SPEF2: variants seen among roughly 807,000 people sequenced by gnomAD.
SPEF2 encodes sperm flagella and cilia-associated protein 2.
A neutral mutation model predicts 224.6 loss-of-function variants in SPEF2; 187 were observed. That is an observed-to-expected ratio of 0.83 (90% CI 0.74 to 0.94). The LOEUF (loss-of-function observed/expected upper bound fraction) is 0.94. SPEF2 is among the 40% of genes least tolerant of loss of function. The probability of loss-of-function intolerance (pLI) is 0.00; values close to 1 mark genes in which losing one functional copy is unlikely to be tolerated. For synonymous variants in SPEF2, 715 were observed against 707.3 expected (o/e 1.01, Z -0.17); for missense variants, 2,170 against 2,135.6 (o/e 1.02, Z -0.32).
At position 35,659,110 on chromosome 5, in the gene SPEF2, A is replaced by G. The variant is rs1749354512; in HGVS notation, c.1070A>G (p.His357Arg). The G allele has an allele frequency of 1.9e-6, 3 of 1,613,448 alleles. No homozygotes were observed. The highest frequency in any genetic ancestry group is 2.5e-6 in the Non-Finnish European group (3 of 1,179,606). ...GCCGTGCAGCTCATGCATGTTCGGC[A>G]TGAAAAGGAAGTTTTATGGCAAAAC... Reference protein sequence around the residue: ...RIAVQLMHVRHEKEVLWQNRI... With the variant: ...RIAVQLMHVRREKEVLWQNRI... The change falls in exon 8 of 37, where the codon CAT (histidine) becomes CGT (arginine). Residue 357 changes from histidine to arginine, a missense_variant. His to Arg is a conservative substitution (Grantham distance 29). Coordinates refer to ENST00000356031, the MANE Select transcript of SPEF2 (RefSeq NM_024867.4).
chr5:35,697,696 A>G lies in SPEF2; in HGVS notation c.2044A>G (p.Thr682Ala). Residue 682 changes from threonine (T) to alanine (A), a missense_variant, in exon 15 of 37, where the codon ACA becomes GCA. Thr to Ala is a moderately conservative substitution (Grantham distance 58). Coordinates refer to ENST00000356031, the MANE Select transcript of SPEF2 (RefSeq NM_024867.4). ...TTCTTGTTTATTTTCCCAGCTCACTACACGTGCTCAGCTTGGTGCAAAATC... is the reference window on the plus strand; with the variant it reads ...TTCTTGTTTATTTTCCCAGCTCACTGCACGTGCTCAGCTTGGTGCAAAATC... ...KSSDSFLKLT[T>A]RAQLGAKSEQ... is the part of the protein sequence containing the mutation. 9 of 1,612,646 alleles carry G rather than the reference A, an allele frequency of 5.6e-6. No homozygotes were observed. Among genetic ancestry groups the G allele is most frequent in the Non-Finnish European group, 7.6e-6 (9 of 1,179,346 alleles).
At chr5:35,745,321 G>A (rs187191646) in intron 23 of SPEF2, among the ~76,000 whole-genome samples, 1 of 152,138 alleles carries the variant, frequency 6.6e-6, no homozygotes, top group Admixed American at 6.5e-5. Context: ...AAGCCTCCCG[G>A]CCAGAGCTCG....
At chr5:35,794,338 G>A (rs943032944) in intron 32 of SPEF2, among the ~76,000 whole-genome samples, 1 of 152,134 alleles carries the variant, frequency 6.6e-6, no homozygotes, top group Non-Finnish European at 1.5e-5. Flanking sequence ...CATCTCACAT[G>A]AATTTCACCA....
At chr5:35,666,958 C>A in intron 8 of SPEF2, 114 bp from the exon 9 acceptor site, 1 of 907,322 alleles carries the variant, frequency 1.1e-6, no homozygotes. Context: ...AATTTTTTTC[C>A]TGGTGTGAGA....
chr5:35,621,358 G>T (rs980719877), intron 1 of SPEF2, among the ~76,000 whole-genome samples: 2 of 150,094 alleles, frequency 1.3e-5, no homozygotes, highest in African/African-American at 2.5e-5. Flanking sequence ...ACCCTAAGAG[G>T]TATTGCCCTG....
At chr5:35,663,352 C>A (rs905097315) in intron 8 of SPEF2, among the ~76,000 whole-genome samples, 1 of 152,162 alleles carries the variant, frequency 6.6e-6, no homozygotes, top group Non-Finnish European at 1.5e-5. Flanking sequence ...CATCTGTGGT[C>A]ATATGTCTCA....
chr5:35,759,898 A>C (rs904813953), intron 25 of SPEF2, among the ~76,000 whole-genome samples, 179 bp downstream of exon 25: 2 of 152,090 alleles, frequency 1.3e-5, no homozygotes, highest in African/African-American at 4.8e-5. Flanking sequence ...TAAGACTACT[A>C]ATATACATTA....
chr5:35,789,423 T>A (rs749171220), intron 30 of SPEF2: 2 of 688,788 alleles, frequency 2.9e-6, no homozygotes, highest in South Asian at 3.1e-5. Context: ...ACAGTTTGAC[T>A]TGCGAAATTA....
chr5:35,644,400 C>A lies in SPEF2; in HGVS notation c.460C>A (p.Arg154=). 2.5e-6 allele frequency: 4 copies of A among 1,603,756 alleles called. No individual in the cohort carries two copies. The highest frequency in any genetic ancestry group is 3.4e-6 in the Non-Finnish European group (4 of 1,175,068). ...IPRQTDFNLM[R]ITYRFQEKYK... The stretch of plus-strand genomic sequence containing the variant: ...ACGTCAAACTGATTTCAATCTGATG[C>A]GGATTACATACAGGTTTCAAGAAAA... The change falls in exon 4 of 37, where the codon CGG becomes AGG. Residue 154 remains arginine, a synonymous_variant. Coordinates refer to ENST00000356031, the MANE Select transcript of SPEF2 (RefSeq NM_024867.4).
At position 35,793,165 on chromosome 5, in the gene SPEF2, G is replaced by A. The variant is rs1254552874; in HGVS notation, c.4561G>A (p.Glu1521Lys). The part of the protein sequence containing the change: ...WMHLTQPELQ[E>K]LTSLLTVNSE... ...ATTTCCTGTTTTCTTCTAGTTACAG[G>A]AATTAACATCTTTATTAACAGTCAA... The change falls in exon 32 of 37, where the codon GAA becomes AAA. Residue 1521 changes from glutamate (E) to lysine (K), a missense_variant. By Grantham distance (56) the Glu-to-Lys change is moderately conservative. Transcript: ENST00000356031. 2 of 1,613,496 alleles carry A rather than the reference G, an allele frequency of 1.2e-6. No homozygotes were observed. The highest frequency in any genetic ancestry group is 2.7e-5 in the African/African-American group (2 of 74,896).
At chr5:35,761,444 T>C (rs1381601217) in intron 25 of SPEF2, among the ~76,000 whole-genome samples, 1 of 152,204 alleles carries the variant, frequency 6.6e-6, no homozygotes, top group Non-Finnish European at 1.5e-5. Context: ...GTTCCTGCTT[T>C]GTTTCTTTTA....
chr5:35,646,616 TG>T, intron 4 of SPEF2, 50 bp from the exon 5 acceptor site: 1 of 1,553,796 alleles, frequency 6.4e-7, no homozygotes, highest in Non-Finnish European at 8.8e-7. Flanking sequence ...TGTATTATAT[TG>T]CCTATTCTGT....
At position 35,727,666 on chromosome 5, in the gene SPEF2, A is replaced by G. The variant is rs1350108236; in HGVS notation, c.2915-9A>G. Reference sequence around the variant, plus strand: ...CTTGTATTGGAATAATTTGATATGCATGTTTAAGGTTCTCCTAAAGGAAAA... The same window carrying G: ...CTTGTATTGGAATAATTTGATATGCGTGTTTAAGGTTCTCCTAAAGGAAAA... On this transcript the variant is annotated splice_polypyrimidine_tract_variant and intron_variant, in intron 20 of 36. Coordinates refer to ENST00000356031, the MANE Select transcript of SPEF2 (RefSeq NM_024867.4). 1.2e-6 allele frequency: 2 copies of G among 1,610,238 alleles called. No individual in the cohort carries two copies. The highest frequency in any genetic ancestry group is 1.7e-6 in the Non-Finnish European group (2 of 1,177,714).
Position 35,617,930 on chromosome 5 carries a change from G to T in SPEF2, c.-68G>T. On this transcript the variant is annotated 5_prime_UTR_variant, in exon 1 of 37. Coordinates refer to ENST00000356031, the MANE Select transcript of SPEF2 (RefSeq NM_024867.4). ...GTTGCCCTTGGCTACAGGAGGACGC[G>T]GGCTGGCAGGCTTGGTTCCTGGCGA... The T allele has an allele frequency of 6.7e-7, 1 of 1,491,780 alleles. No individual in the cohort carries two copies. The highest frequency in any genetic ancestry group is 9.2e-7 in the Non-Finnish European group (1 of 1,092,006). 92.4% of individuals were successfully genotyped at this position (1,491,780 alleles called of 1,614,324 possible).
intron 7 of SPEF2, 22 bp downstream of exon 7, chr5:35,654,748 T>G (rs1427745184): frequency 6.3e-7 from 1 of 1,587,806 alleles, no homozygotes; most frequent in Admixed American, 1.9e-5. Context: ...AGATGAAGGT[T>G]AAGTAATAGT....
intron 4 of SPEF2, among the ~76,000 whole-genome samples, chr5:35,645,455 G>A (rs1747234306): frequency 6.6e-6 from 1 of 152,110 alleles, no homozygotes; most frequent in East Asian, 1.9e-4. Flanking sequence ...AGAATTGAAC[G>A]TTTTTGTAGC....
chr5:35,801,689 A>G (rs1379020276), intron 34 of SPEF2, among the ~76,000 whole-genome samples: 1 of 152,090 alleles, frequency 6.6e-6, no homozygotes, highest in Non-Finnish European at 1.5e-5. Context: ...GGTCTCATTA[A>G]TGTCTGTCTT....
At chr5:35,737,265 C>G (rs1399669138) in intron 21 of SPEF2, among the ~76,000 whole-genome samples, 2 of 152,000 alleles carry the variant, frequency 1.3e-5, no homozygotes, top group African/African-American at 4.8e-5. Flanking sequence ...GCACAATGTG[C>G]AGGTTTGTTA....
rs200571694 is a variant in SPEF2, at chr5:35,659,194, T to C, written c.1154T>C (p.Leu385Pro). The C allele has an allele frequency of 2.4e-5, 38 of 1,609,122 alleles. No individual in the cohort carries two copies. The highest frequency in any genetic ancestry group is 3.1e-5 in the Non-Finnish European group (37 of 1,177,146). The change falls in exon 8 of 37, where the codon CTT becomes CCT. Residue 385 changes from leucine to proline, a missense_variant. Physicochemically the swap from Leu to Pro is moderately conservative, Grantham distance 98. Coordinates refer to ENST00000356031, the MANE Select transcript of SPEF2 (RefSeq NM_024867.4). ...ERRLKDFQDALDREAALAKQA... is the reference protein window; with the variant it reads ...ERRLKDFQDAPDREAALAKQA... ...CGACTTAAAGATTTCCAGGATGCTC[T>C]TGATCGAGAAGCGGTAAATACCATC...
Sources: gnomAD v4.1 joint callset for allele counts (sites outside exome capture counted in the v4.1 genomes callset) on GRCh38, gnomAD v4.1.1 for gene constraint, MANE v1.5 for transcripts, NCBI Gene and HGNC (gene_info 2026-07-23, HGNC 2026-07-21) for gene names.